Variants in FAM107A observed in about 807,000 individuals in gnomAD.
FAM107A encodes the protein family with sequence similarity 107 member A, also known as actin-associated protein FAM107A.
A neutral mutation model predicts 13.7 loss-of-function variants in FAM107A; 19 were observed. The observed-to-expected ratio is 1.38, with a 90% CI of 0.97 to 2.03. The LOEUF (loss-of-function observed/expected upper bound fraction) is 2.03. Ranked by LOEUF, FAM107A falls within the 30% of genes most tolerant of loss-of-function variation. The pLI is 0.00. For missense variants in FAM107A, 203 were observed against 184.4 expected (o/e 1.10, Z -0.58); for synonymous variants, 82 against 74.5 (o/e 1.10, Z -0.52).
chr3:58,616,788 T>C (rs1435153824), intron 1 of FAM107A, among the ~76,000 whole-genome samples: 1 of 152,114 alleles, frequency 6.6e-6, no homozygotes, highest in African/African-American at 2.4e-5. Flanking sequence ...GTTTCTTTTT[T>C]TTTTAGACAG....
chr3:58,565,830 CT>C lies in FAM107A; in HGVS notation c.*757del, dbSNP rs1220796918. 2 of 152,214 alleles carry C rather than the reference CT, an allele frequency of 1.3e-5. No homozygotes were observed. Among genetic ancestry groups the C allele is most frequent in the African/African-American group, 4.8e-5 (2 of 41,430 alleles). 9.4% of individuals were successfully genotyped at this position (152,214 alleles called of 1,614,324 possible). On this transcript the variant is annotated 3_prime_UTR_variant, in exon 4 of 4. Coordinates refer to ENST00000360997, the MANE Select transcript of FAM107A (RefSeq NM_001076778.3). ...GTTAGAAATGCAGGATCTCCCAGAT[CT>C]ATTGAGTTAGAAGCTGTATTAACAA...
chr3:58,601,327 T>C (rs1431295913), intron 1 of FAM107A, among the ~76,000 whole-genome samples: 1 of 152,200 alleles, frequency 6.6e-6, no homozygotes, highest in Non-Finnish European at 1.5e-5. Flanking sequence ...CTCCAGGAAT[T>C]GTCTCTGCTT....
At chr3:58,615,102 G>A (rs1396647926) in intron 1 of FAM107A, among the ~76,000 whole-genome samples, 1 of 152,234 alleles carries the variant, frequency 6.6e-6, no homozygotes, top group Non-Finnish European at 1.5e-5. Flanking sequence ...CACCACGTCT[G>A]GCCCAAGCCA....
intron 1 of FAM107A, among the ~76,000 whole-genome samples, chr3:58,593,753 C>T (rs1386376518): frequency 1.3e-5 from 2 of 152,120 alleles, no homozygotes; most frequent in Non-Finnish European, 2.9e-5. Context: ...TCTTCCTGCT[C>T]TTACACAGCC....
At chr3:58,623,725 A>G (rs1478528893) in intron 1 of FAM107A, among the ~76,000 whole-genome samples, 1 of 152,148 alleles carries the variant, frequency 6.6e-6, no homozygotes, top group Non-Finnish European at 1.5e-5. Context: ...CTCCACCCTT[A>G]CTAGCTGGGT....
intron 1 of FAM107A, among the ~76,000 whole-genome samples, chr3:58,624,084 T>C (rs1021294286): frequency 3.9e-5 from 6 of 152,198 alleles, no homozygotes; most frequent in African/African-American, 1.4e-4. Context: ...AAGGTGCTTT[T>C]CTTGAACCCA....
chr3:58,605,673 G>A (rs1015229722), intron 1 of FAM107A, among the ~76,000 whole-genome samples: 2 of 152,156 alleles, frequency 1.3e-5, no homozygotes, highest in Non-Finnish European at 2.9e-5. Flanking sequence ...TGCTAGTGTG[G>A]CACCAGGTCC....
Position 58,567,319 on chromosome 3 carries a change from C to T in FAM107A, c.216G>A (p.Glu72=). The T allele has an allele frequency of 6.2e-7, 1 of 1,612,506 alleles. No individual in the cohort carries two copies. The highest frequency in any genetic ancestry group is 8.5e-7 in the Non-Finnish European group (1 of 1,179,542). ...DSKPELQRVL[E]HRRRNQLIKK... ...TGATGAGCTGGTTCCGCCGGCGGTG[C>T]TCTAGGACACGCTGCAGCTCTGGCT... Residue 72 remains glutamate (E), a synonymous_variant, in exon 3 of 4, where the codon GAG becomes GAA. Transcript: ENST00000360997.
rs528480895 is a variant in FAM107A, at chr3:58,617,255, G to A, written c.-70+10161C>T. Among the ~76,000 whole-genome samples, 2 of 152,218 alleles carry A rather than the reference G, an allele frequency of 1.3e-5. No individual in the cohort carries two copies. The highest frequency in any genetic ancestry group is 4.1e-4 in the South Asian group (2 of 4,824). ...TGCACCACATCATACAACTCAGAATGACCCCTACCTGTTCCCAGAGCTCAG... is the reference window on the plus strand; with the variant it reads ...TGCACCACATCATACAACTCAGAATAACCCCTACCTGTTCCCAGAGCTCAG... On this transcript the variant is annotated intron_variant, in intron 1 of 3. Coordinates refer to the FAM107A transcript ENST00000465970. This position sits in a 1 kb window ranked among gnomAD's most constrained non-coding sequence, Gnocchi z 4.5.
In FAM107A at chr3:58,604,337, G is replaced by A. The variant is rs1171730362; in HGVS notation, c.-69-15068C>T. 2.6e-5 allele frequency among the ~76,000 whole-genome samples: 4 copies of A among 152,152 alleles called. No individual in the cohort carries two copies. Among genetic ancestry groups the A allele is most frequent in the East Asian group, 3.9e-4 (2 of 5,164 alleles). ...CGCAGATCCAATTCCTTCTCCAACC[G>A]GTTCTTCCAGGCCTCAGCTCAGAGC... On this transcript the variant is annotated intron_variant, in intron 1 of 3. Transcript: ENST00000465970. The surrounding 1 kb of genome is among the most constrained non-coding windows in gnomAD (Gnocchi z 4.1).
At chr3:58,607,239 C>G (rs1261702923) in intron 1 of FAM107A, 1 of 152,236 alleles carries the variant, frequency 6.6e-6, no homozygotes, top group African/African-American at 2.4e-5. Flanking sequence ...GCCAGTGTTC[C>G]ATGAGGCTCC....
At chr3:58,584,888 C>T (rs1385972501) in intron 1 of FAM107A, among the ~76,000 whole-genome samples, 1 of 152,228 alleles carries the variant, frequency 6.6e-6, no homozygotes, top group African/African-American at 2.4e-5. Context: ...CGGCCCCCCT[C>T]CCGCCCTGTG....
At position 58,602,454 on chromosome 3, in the gene FAM107A, G is replaced by T. The variant is rs1228891063; in HGVS notation, c.-69-13185C>A. Among the ~76,000 whole-genome samples the T allele has an allele frequency of 2.0e-5, 3 of 152,264 alleles. No individual in the cohort carries two copies. The East Asian group carries it at 5.8e-4, about 29-fold the overall frequency. On this transcript the variant is annotated intron_variant, in intron 1 of 3. Coordinates refer to the FAM107A transcript ENST00000465970. ...GATATCTGTGCTTTTCCATTTCTAA[G>T]AATTTAAGAAAATAATTGAACACAT...
At chr3:58,609,326 G>C (rs900218963) in intron 1 of FAM107A, 1 of 152,064 alleles carries the variant, frequency 6.6e-6, no homozygotes, top group Admixed American at 6.5e-5. Context: ...ATTAATTGTA[G>C]ACAATGTAGG....
chr3:58,608,562 A>C (rs909131326), intron 1 of FAM107A, among the ~76,000 whole-genome samples: 3 of 152,204 alleles, frequency 2.0e-5, no homozygotes, highest in Non-Finnish European at 4.4e-5. Context: ...CCCATTTTAC[A>C]GATAGAGAAG....
At chr3:58,573,917 C>A (rs2108047724) in intron 1 of FAM107A, among the ~76,000 whole-genome samples, 1 of 152,304 alleles carries the variant, frequency 6.6e-6, no homozygotes, top group Admixed American at 6.5e-5. Context: ...GGTGTTTCCT[C>A]CTCTGCAAAA....
intron 1 of FAM107A, chr3:58,627,213 G>A (rs2106651773): frequency 1.8e-6 from 1 of 564,722 alleles, no homozygotes; most frequent in South Asian, 2.4e-5. Context: ...TGACAGAGGG[G>A]CCAGTGTCCC....
At chr3:58,616,937 C>A (rs371210516) in intron 1 of FAM107A, among the ~76,000 whole-genome samples, 19 of 152,310 alleles carry the variant, frequency 1.2e-4, no homozygotes, top group Admixed American at 7.8e-4. Flanking sequence ...CCACATCCAG[C>A]TAACTTTTTG....
rs58756345 is a variant in FAM107A, at chr3:58,613,831, G to C, written c.-70+13585C>G. ...GACTGATGGGCAGGAGGCAGAAGGC[G>C]GAAGTCCAGCCCTTACGGCCTGTCC... On this transcript the variant is annotated intron_variant, in intron 1 of 3. Coordinates refer to the FAM107A transcript ENST00000465970. This position sits in a 1 kb window ranked among gnomAD's most constrained non-coding sequence, Gnocchi z 4.6. Among the ~76,000 whole-genome samples, 4 of 152,030 alleles carry C rather than the reference G, an allele frequency of 2.6e-5. No individual in the cohort carries two copies. Among genetic ancestry groups the C allele is most frequent in the Admixed American group, 6.5e-5 (1 of 15,268 alleles).
Sources: gnomAD v4.1 joint callset for allele counts (sites outside exome capture counted in the v4.1 genomes callset) on GRCh38, gnomAD v4.1.1 for gene constraint, Gnocchi (gnomAD v3.1) non-coding constraint, MANE v1.5 for transcripts, NCBI Gene and HGNC (gene_info 2026-07-23, HGNC 2026-07-21) for gene names.